Variants in PDLIM5 observed in about 807,000 individuals in gnomAD.
The protein encoded by PDLIM5 is PDZ and LIM domain 5.
A neutral mutation model predicts 64.2 loss-of-function variants in PDLIM5; 34 were observed. That is an observed-to-expected ratio of 0.53 (90% CI 0.40 to 0.71). The LOEUF is 0.71. Ranked by LOEUF, PDLIM5 falls within the 30% of genes least tolerant of loss-of-function variation. The pLI, the probability that PDLIM5 is intolerant of heterozygous loss-of-function variation, is 0.00. For missense variants in PDLIM5, 683 were observed against 733.6 expected, an observed-to-expected ratio of 0.93 and a Z score of 0.80; for synonymous variants, 253 against 269.1, an observed-to-expected ratio of 0.94 and a Z score of 0.59.
intron 3 of PDLIM5, among the ~76,000 whole-genome samples, chr4:94,524,181 C>G (rs1730117853): frequency 6.6e-6 from 1 of 151,698 alleles, no homozygotes; most frequent in South Asian, 2.1e-4. Flanking sequence ...ACCAGCTGGC[C>G]AATATAATGA....
Position 94,666,206 on chromosome 4 carries a change from C to T in PDLIM5, c.*2139C>T. On this transcript the variant is annotated 3_prime_UTR_variant, in exon 13 of 13. Coordinates refer to ENST00000317968, the MANE Select transcript of PDLIM5 (RefSeq NM_006457.5). The stretch of plus-strand genomic sequence containing the variant: ...AGGCTACAATATTTGTTTAACCTCC[C>T]TAAGAACTTTCAAGGCATCTGTCCT... 2 of 524,090 alleles carry T rather than the reference C, an allele frequency of 3.8e-6. No individual in the cohort carries two copies. The highest frequency in any genetic ancestry group is 6.5e-5 in the South Asian group (2 of 30,558). 32.5% of individuals were successfully genotyped at this position (524,090 alleles called of 1,614,324 possible).
intron 3 of PDLIM5, among the ~76,000 whole-genome samples, chr4:94,567,735 G>A (rs1449304713): frequency 1.3e-5 from 2 of 152,262 alleles, no homozygotes; most frequent in Non-Finnish European, 1.5e-5. Flanking sequence ...GAGGTTTTTA[G>A]CACTCTTTAT....
chr4:94,616,519 C>T lies in PDLIM5; in HGVS notation c.921-1485C>T, dbSNP rs187992217. On this transcript the variant is annotated intron_variant, in intron 7 of 12. Coordinates refer to ENST00000317968, the MANE Select transcript of PDLIM5 (RefSeq NM_006457.5). Reference sequence around the variant, plus strand: ...TCCACCACAGTGCTTTTAAAAGATGCTCGTAACCACTATATTGTAATTTCA... The same window carrying T: ...TCCACCACAGTGCTTTTAAAAGATGTTCGTAACCACTATATTGTAATTTCA... 2.4e-3 allele frequency among the ~76,000 whole-genome samples: 358 copies of T among 152,270 alleles called. 2 individuals are homozygous for T. The highest frequency in any genetic ancestry group is 8.3e-3 in the African/African-American group (344 of 41,552).
chr4:94,512,808 C>T (rs1267354539), intron 2 of PDLIM5, among the ~76,000 whole-genome samples: 1 of 152,052 alleles, frequency 6.6e-6, no homozygotes, highest in East Asian at 1.9e-4. Context: ...AATTTTTGCC[C>T]AGACCAATGT....
intron 5 of PDLIM5, 62 bp downstream of exon 5, chr4:94,576,096 A>C: frequency 7.1e-7 from 1 of 1,404,368 alleles, no homozygotes; most frequent in Non-Finnish European, 9.9e-7. Flanking sequence ...TTTCCAGGAA[A>C]TACTCTACAT....
At chr4:94,490,029 T>A (rs1435754157) in intron 2 of PDLIM5, among the ~76,000 whole-genome samples, 1 of 152,040 alleles carries the variant, frequency 6.6e-6, no homozygotes, top group Non-Finnish European at 1.5e-5. Flanking sequence ...TGTAATTATT[T>A]TTTATATCCA....
At chr4:94,481,545 T>C (rs2126107054) in intron 2 of PDLIM5, among the ~76,000 whole-genome samples, 1 of 151,576 alleles carries the variant, frequency 6.6e-6, no homozygotes, top group African/African-American at 2.4e-5. Context: ...CCTCCGAAAG[T>C]GCTGGGATTA....
At chr4:94,455,779 A>C in intron 2 of PDLIM5, 1 of 1,517,220 alleles carries the variant, frequency 6.6e-7, no homozygotes, top group African/African-American at 1.4e-5. Context: ...ACTGTTGATC[A>C]AAATTGAATA....
chr4:94,546,974 A>G (rs969064718), intron 3 of PDLIM5, among the ~76,000 whole-genome samples: 4 of 152,132 alleles, frequency 2.6e-5, no homozygotes, highest in Admixed American at 2.6e-4. Flanking sequence ...GCTTAAGGAA[A>G]AAAAAATATA....
intron 2 of PDLIM5, among the ~76,000 whole-genome samples, chr4:94,457,707 C>G (rs906892571): frequency 6.6e-6 from 1 of 152,124 alleles, no homozygotes. Flanking sequence ...GCTTCAGTTT[C>G]CTGGCAGACA....
At chr4:94,494,327 AT>A (rs1235172676) in intron 2 of PDLIM5, among the ~76,000 whole-genome samples, 1 of 146,846 alleles carries the variant, frequency 6.8e-6, no homozygotes, top group East Asian at 2.1e-4. Context: ...ATTTCTGTAT[AT>A]TTTTTAAGGC....
At chr4:94,591,970 C>T (rs1227311442) in intron 7 of PDLIM5, among the ~76,000 whole-genome samples, 1 of 152,220 alleles carries the variant, frequency 6.6e-6, no homozygotes, top group Non-Finnish European at 1.5e-5. Context: ...CATCTTTTCT[C>T]CTTAGATCTT....
chr4:94,455,425 G>T (rs749508058), intron 2 of PDLIM5, 41 bp downstream of exon 2: 2 of 1,211,254 alleles, frequency 1.7e-6, no homozygotes, highest in East Asian at 2.3e-5. Context: ...TGTTCATTCA[G>T]TGCTTAGTCC....
chr4:94,614,705 A>G (rs1416485491), intron 7 of PDLIM5, among the ~76,000 whole-genome samples: 8 of 152,212 alleles, frequency 5.3e-5, no homozygotes, highest in Non-Finnish European at 1.2e-4. Context: ...GTAGCTAAAG[A>G]GTACTGTTTA....
In PDLIM5 at chr4:94,654,658, T is replaced by G. The variant is rs1271039877; in HGVS notation, c.1464+18T>G. The stretch of plus-strand genomic sequence containing the variant: ...TCCTTGGAGTAAGTATTGGAAACGT[T>G]TTTATTCTGAATGAGTTTTAAAGTA... On this transcript the variant is annotated intron_variant, in intron 10 of 12. Coordinates refer to ENST00000317968, the MANE Select transcript of PDLIM5 (RefSeq NM_006457.5). 2 of 1,524,816 alleles carry G rather than the reference T, an allele frequency of 1.3e-6. No individual in the cohort carries two copies. Among genetic ancestry groups the G allele is most frequent in the Non-Finnish European group, 1.8e-6 (2 of 1,108,292 alleles). The allele number at this position is 1,524,816 out of a possible 1,614,324, so 94.5% of individuals were successfully genotyped here. A position where few individuals can be genotyped will look rare whatever the true frequency, so the allele number is the denominator to read the frequency against.
rs1738913595 is a variant in PDLIM5, at chr4:94,617,901, A to G, written c.921-103A>G. 7 of 582,950 alleles carry G rather than the reference A, an allele frequency of 1.2e-5. No individual in the cohort carries two copies. The East Asian group carries it at 1.5e-4, about 13-fold the overall frequency. 36.1% of individuals were successfully genotyped at this position (582,950 alleles called of 1,614,324 possible). On this transcript the variant is annotated intron_variant, in intron 7 of 12. Coordinates refer to ENST00000317968, the MANE Select transcript of PDLIM5 (RefSeq NM_006457.5). ...GATTTTCTTTTCTAAAGAATTGATT[A>G]ATCAATGGATTTTGATTGATTAATG...
At chr4:94,641,343 C>T (rs997358518) in intron 9 of PDLIM5, among the ~76,000 whole-genome samples, 1 of 152,088 alleles carries the variant, frequency 6.6e-6, no homozygotes. Flanking sequence ...CATAATGTTT[C>T]TAGGTAATAT....
chr4:94,630,717 TAATGAG>T (rs923474159), intron 8 of PDLIM5, among the ~76,000 whole-genome samples: 1 of 152,142 alleles, frequency 6.6e-6, no homozygotes, highest in African/African-American at 2.4e-5. Flanking sequence ...TCTTCTGACT[TAATGAG>T]AATGAAGTAT....
At chr4:94,655,211 G>A (rs1352023567) in intron 10 of PDLIM5, among the ~76,000 whole-genome samples, 1 of 150,660 alleles carries the variant, frequency 6.6e-6, no homozygotes, top group African/African-American at 2.4e-5. Flanking sequence ...TTCCTTTTTT[G>A]CAAAAAAAGG....
Sources: allele counts gnomAD v4.1 joint callset (sites outside exome capture counted in the v4.1 genomes callset), GRCh38; gene constraint gnomAD v4.1.1; transcripts MANE v1.5; gene names NCBI Gene and HGNC (gene_info 2026-07-23, HGNC 2026-07-21).